MYH2: variants seen among roughly 807,000 people sequenced by gnomAD.
MYH2 encodes the protein myosin-2.
MYH2 carries 139 observed loss-of-function variants against 228.1 expected under a neutral mutation model. The ratio of observed to expected loss-of-function variants is 0.61; its 90% CI spans 0.53 to 0.70. The LOEUF is 0.70. MYH2 is among the 30% of genes least tolerant of loss of function. MYH2 has a pLI of 0.00. For synonymous variants in MYH2, 796 were observed against 871.1 expected (o/e 0.91, Z 1.52); for missense variants, 1,809 against 2,357.5 (o/e 0.77, Z 4.82).
rs146229690 is a variant in MYH2 at position 10,539,482 on chromosome 17, C to T, written c.1228G>A (p.Gly410Ser). Reference sequence around the variant, plus strand: ...TGGCCTTTGGTGACATACTCATTGCCGACCTTGACCCTGGGGTAGCAGAGA... The same window carrying T: ...TGGCCTTTGGTGACATACTCATTGCTGACCTTGACCCTGGGGTAGCAGAGA... ...KALCYPRVKV[G>S]NEYVTKGQTV... Residue 410 changes from glycine to serine, a missense_variant, in exon 13 of 40, where the codon GGC becomes AGC. Coordinates refer to ENST00000245503, the MANE Select transcript of MYH2 (RefSeq NM_017534.6). The T allele has an allele frequency of 2.7e-5, 43 of 1,614,052 alleles. No homozygotes were observed. Among genetic ancestry groups the T allele is most frequent in the Non-Finnish European group, 1.7e-5 (20 of 1,180,032 alleles).
chr17:10,532,712 G>A (rs1398038944), intron 21 of MYH2, among the ~76,000 whole-genome samples: 1 of 152,156 alleles, frequency 6.6e-6, no homozygotes, highest in Non-Finnish European at 1.5e-5. Flanking sequence ...CCTGATCACA[G>A]ACATCCTGTA....
chr17:10,544,369 GA>G lies in MYH2; in HGVS notation c.506-243del, dbSNP rs367847098. ...TCTTCCAAGAAATATTTCCTTCGAG[GA>G]AAAAAATTCTAAGATGAAGGAAAAT... On this transcript the variant is annotated intron_variant, in intron 5 of 39. Coordinates refer to ENST00000245503, the MANE Select transcript of MYH2 (RefSeq NM_017534.6). Among the ~76,000 whole-genome samples, 151 of 152,116 alleles carry G rather than the reference GA, an allele frequency of 9.9e-4. 1 individual carries two copies. In the East Asian group the frequency reaches 0.017, roughly 17 times the overall value.
rs1352155127 is a variant in MYH2, at chr17:10,539,248, T to G, written c.1373A>C (p.Tyr458Ser). ...AGCAATGTCCAAGACCCCGATGAAGTACTGCCTGGGCTGCTTGGTGTCCAG... is the reference window on the plus strand; with the variant it reads ...AGCAATGTCCAAGACCCCGATGAAGGACTGCCTGGGCTGCTTGGTGTCCAG... Reference protein sequence around the residue: ...QQLDTKQPRQYFIGVLDIAGF... With the variant: ...QQLDTKQPRQSFIGVLDIAGF... The change falls in exon 14 of 40, where the codon TAC becomes TCC. Residue 458 changes from tyrosine (Y) to serine (S), a missense_variant. This residue lies in a region of MYH2 where 373 missense variants were observed against 620.4 expected (regional missense o/e 0.60). Transcript: ENST00000245503. 1.2e-6 allele frequency: 2 copies of G among 1,614,200 alleles called. No homozygotes were observed. The highest frequency in any genetic ancestry group is 1.7e-6 in the Non-Finnish European group (2 of 1,180,044).
rs1034190676 is a variant in MYH2, at chr17:10,530,547, T to C, written c.2698-473A>G. Among the ~76,000 whole-genome samples the C allele has an allele frequency of 7.2e-5, 11 of 151,942 alleles. No homozygotes were observed. In the South Asian group the frequency reaches 1.0e-3, roughly 14 times the overall value. ...AGCTGCTACTGATTTTTTTTTTTTG[T>C]AGTACTGGAGGATGCTCCTGATTAT... On this transcript the variant is annotated intron_variant, in intron 22 of 39. Transcript: ENST00000245503.
intron 2 of MYH2, among the ~76,000 whole-genome samples, chr17:10,548,384 T>C (rs1288013295): frequency 6.6e-6 from 1 of 152,200 alleles, no homozygotes; most frequent in South Asian, 2.1e-4. Flanking sequence ...GAGAAAGTAA[T>C]TTGAAATTGT....
At chr17:10,546,255 TGATATATA>T (rs1476463520) in intron 4 of MYH2, among the ~76,000 whole-genome samples, 8 of 27,146 alleles carry the variant, frequency 2.9e-4, no homozygotes, top group East Asian at 2.8e-3. Flanking sequence ...GGACACGAAA[TGATATATA>T]TATATATATA....
Position 10,543,714 on chromosome 17 carries a change from G to T in MYH2, c.738C>A (p.Arg246=). ...AKTVRNDNSS[R]FGKFIRIHFG... ...TTAGCGTGTCCAAGAGACTTACAAA[G>T]CGAGAGGAGTTGTCATTCCTCACGG... The change falls in exon 8 of 40, where the codon CGC becomes CGA. Residue 246 remains arginine, a synonymous_variant. Coordinates refer to ENST00000245503, the MANE Select transcript of MYH2 (RefSeq NM_017534.6). 6.2e-7 allele frequency: 1 copy of T among 1,614,126 alleles called. No individual in the cohort carries two copies. The highest frequency in any genetic ancestry group is 8.5e-7 in the Non-Finnish European group (1 of 1,179,956).
rs60972702 is a variant in MYH2 at position 10,548,549 on chromosome 17, CT to C, written c.-20-610del. On this transcript the variant is annotated intron_variant, in intron 2 of 39. Transcript: ENST00000245503. ...TATTGGAGATTATAATTTTGTTTAC[CT>C]TTTTTTCTTTTAGGTTAGGTGCTTA... Among the ~76,000 whole-genome samples the C allele has an allele frequency of 8.7e-3, 1,319 of 152,140 alleles. 15 individuals are homozygous for C. The highest frequency in any genetic ancestry group is 0.03 in the African/African-American group (1,238 of 41,510).
In MYH2 at chr17:10,525,608, T is replaced by G. The variant is rs753663480; in HGVS notation, c.4380A>C (p.Ala1460=). The change falls in exon 32 of 40, where the codon GCA becomes GCC. Residue 1460 remains alanine (A), a synonymous_variant. Coordinates refer to ENST00000245503, the MANE Select transcript of MYH2 (RefSeq NM_017534.6). This position sits in a 1 kb window ranked among gnomAD's most constrained non-coding sequence, Gnocchi z 4.2. Reference sequence around the variant, plus strand: ...TTTCCTCACATTTCTGTTTCCATTCTGCCAGGATCTGAAAAACCAAGACCT... The same window carrying G: ...TTTCCTCACATTTCTGTTTCCATTCGGCCAGGATCTGAAAAACCAAGACCT... The part of the protein sequence containing the change: ...KKQRNFDKIL[A]EWKQKCEETH... 1 of 1,614,210 alleles carries G rather than the reference T, an allele frequency of 6.2e-7. No individual in the cohort carries two copies. The highest frequency in any genetic ancestry group is 2.2e-5 in the East Asian group (1 of 44,880).
chr17:10,535,874 G>A (rs1002481226), intron 17 of MYH2, among the ~76,000 whole-genome samples: 2 of 152,172 alleles, frequency 1.3e-5, no homozygotes, highest in Non-Finnish European at 2.9e-5. Context: ...TCGATTAAGA[G>A]CAAGGATACC....
At chr17:10,533,049 TTA>T (rs375189211) in intron 21 of MYH2, among the ~76,000 whole-genome samples, 198 of 152,290 alleles carry the variant, frequency 1.3e-3, no homozygotes, top group African/African-American at 4.5e-3. Context: ...CTGGTGTATT[TTA>T]TCTTATTAGA....
In MYH2 at chr17:10,526,808, T is replaced by A. The variant is rs1166141254; in HGVS notation, c.3991-13A>T. The stretch of plus-strand genomic sequence containing the variant: ...GGGCGTTCTTGGCCTATGGAGGCAG[T>A]TACACCTTCATTTTACTGGATATTT... On this transcript the variant is annotated splice_polypyrimidine_tract_variant and intron_variant, in intron 29 of 39. Coordinates refer to ENST00000245503, the MANE Select transcript of MYH2 (RefSeq NM_017534.6). The A allele has an allele frequency of 5.6e-6, 9 of 1,614,252 alleles. No individual in the cohort carries two copies. Among genetic ancestry groups the A allele is most frequent in the Non-Finnish European group, 7.6e-6 (9 of 1,180,044 alleles).
At chr17:10,541,993 G>T (rs1487547273) in intron 10 of MYH2, among the ~76,000 whole-genome samples, 3 of 152,088 alleles carry the variant, frequency 2.0e-5, no homozygotes, top group South Asian at 2.1e-4. Flanking sequence ...AAATAAAATG[G>T]CCGGGCACAG....
intron 39 of MYH2, 35 bp from the exon 40 acceptor site, chr17:10,521,467 C>T: frequency 6.2e-7 from 1 of 1,609,386 alleles, no homozygotes; most frequent in Non-Finnish European, 8.5e-7. Context: ...GGAACTCATA[C>T]TTGCATCTTT....
rs1256101036 is a variant in MYH2, at chr17:10,531,719, T to G, written c.2611A>C (p.Lys871Gln). ...AGTTCCTTCCTTTTTGCCTCTGACT[T>G]GGCAAGTTCGTCTTTAATTTTCTGA... Reference protein sequence around the residue: ...EFQKIKDELAKSEAKRKELEE... With the variant: ...EFQKIKDELAQSEAKRKELEE... The change falls in exon 22 of 40, where the codon AAG (lysine) becomes CAG (glutamine). Residue 871 changes from lysine (K) to glutamine (Q), a missense_variant. Lys to Gln is a moderately conservative substitution (Grantham distance 53). Coordinates refer to ENST00000245503, the MANE Select transcript of MYH2 (RefSeq NM_017534.6). 5 of 1,614,086 alleles carry G rather than the reference T, an allele frequency of 3.1e-6. No individual in the cohort carries two copies. Among genetic ancestry groups the G allele is most frequent in the Non-Finnish European group, 4.2e-6 (5 of 1,180,028 alleles).
In MYH2 at chr17:10,525,155, T is replaced by C; in HGVS notation, c.4662+69A>G. 1.9e-6 allele frequency: 3 copies of C among 1,613,910 alleles called. No individual in the cohort carries two copies. Among genetic ancestry groups the C allele is most frequent in the Non-Finnish European group, 8.5e-7 (1 of 1,179,916 alleles). ...CAATAATTTTGTGCTATGTGTCTTTTTATTCACTCTATGCAGATGTACCTA... is the reference window on the plus strand; with the variant it reads ...CAATAATTTTGTGCTATGTGTCTTTCTATTCACTCTATGCAGATGTACCTA... On this transcript the variant is annotated intron_variant, in intron 33 of 39. Transcript: ENST00000245503. The surrounding 1 kb of genome is among the most constrained non-coding windows in gnomAD (Gnocchi z 4.2).
At chr17:10,542,018 A>G (rs1406526113) in intron 10 of MYH2, among the ~76,000 whole-genome samples, 3 of 152,186 alleles carry the variant, frequency 2.0e-5, no homozygotes, top group African/African-American at 7.2e-5. Flanking sequence ...TCATGCCCAT[A>G]ATCCCATCAC....
In MYH2 at chr17:10,533,440, G is replaced by A. The variant is rs768809024; in HGVS notation, c.2305-19C>T. 80 of 1,613,994 alleles carry A rather than the reference G, an allele frequency of 5.0e-5. No individual in the cohort carries two copies. The highest frequency in any genetic ancestry group is 6.6e-5 in the Non-Finnish European group (78 of 1,180,030). ...AAAAGACCTGTGAATGGAAAGAGTT[G>A]CAAATCACAAGCTTTAATAAAGTTC... is the stretch of plus-strand genomic sequence containing the variant. On this transcript the variant is annotated intron_variant, in intron 20 of 39. Coordinates refer to ENST00000245503, the MANE Select transcript of MYH2 (RefSeq NM_017534.6).
rs1139440 is a variant in MYH2, at chr17:10,527,016, C to A, written c.3912G>T (p.Val1304=). ...SRQLDEKEAL[V]SQLSRGKQAF... is the part of the protein sequence containing the mutation. ...CTTGTTTGCCTCTTGATAACTGAGA[C>A]ACCAGAGCTTCCTTTTCATCAAGCT... is the stretch of plus-strand genomic sequence containing the variant. Residue 1304 remains valine, a synonymous_variant, in exon 29 of 40, where the codon GTG becomes GTT. Coordinates refer to ENST00000245503, the MANE Select transcript of MYH2 (RefSeq NM_017534.6). 6.2e-7 allele frequency: 1 copy of A among 1,614,048 alleles called. No individual in the cohort carries two copies. The highest frequency in any genetic ancestry group is 8.5e-7 in the Non-Finnish European group (1 of 1,180,040).
Sources: allele counts gnomAD v4.1 joint callset (sites outside exome capture counted in the v4.1 genomes callset), GRCh38; gene constraint gnomAD v4.1.1; regional missense constraint gnomAD v4.1.1; non-coding constraint Gnocchi (gnomAD v3.1); transcripts MANE v1.5; gene names NCBI Gene and HGNC (gene_info 2026-07-23, HGNC 2026-07-21).